The following PPARD variants were observed in gnomAD, a reference collection of about 807,000 sequenced individuals.
PPARD encodes the protein peroxisome proliferator activated receptor delta.
PPARD carries 6 observed loss-of-function variants against 39.5 expected under a neutral mutation model. The ratio of observed to expected loss-of-function variants is 0.15; its 90% CI spans 0.08 to 0.30. The LOEUF (loss-of-function observed/expected upper bound fraction) is 0.30. Ranked by LOEUF, PPARD falls within the 10% of genes least tolerant of loss-of-function variation. The pLI is 1.00. For synonymous variants in PPARD, 210 were observed against 231.3 expected (o/e 0.91, Z 0.83); for missense variants, 397 against 596.8 (o/e 0.67, Z 3.49).
intron 2 of PPARD, among the ~76,000 whole-genome samples, chr6:35,356,654 G>C (rs1180139948): frequency 1.3e-5 from 2 of 152,064 alleles, no homozygotes; most frequent in Non-Finnish European, 1.5e-5. Flanking sequence ...AGCATCCCTG[G>C]CTTCTACACA....
intron 2 of PPARD, among the ~76,000 whole-genome samples, chr6:35,354,937 A>T (rs935611248): frequency 1.3e-5 from 2 of 152,096 alleles, no homozygotes; most frequent in Non-Finnish European, 2.9e-5. Context: ...CCTTCTAACC[A>T]TGGGCTTGTG....
intron 2 of PPARD, among the ~76,000 whole-genome samples, chr6:35,350,038 G>A (rs1026433178): frequency 3.3e-5 from 5 of 152,096 alleles, no homozygotes; most frequent in Admixed American, 3.3e-4. Context: ...TACCACACCC[G>A]GCCTTGTATG....
rs551781896 is a variant in PPARD at position 35,402,728 on chromosome 6, G to A, written c.-101-8259G>A. On this transcript the variant is annotated intron_variant, in intron 2 of 7. Coordinates refer to ENST00000360694, the MANE Select transcript of PPARD (RefSeq NM_006238.5). ...CTAGAAGGCCACCCGGGCTTCTCCT[G>A]TGTCCTTAAGAGGGTGGGGTGACCT... is the stretch of plus-strand genomic sequence containing the variant. Among the ~76,000 whole-genome samples, 48 of 152,308 alleles carry A rather than the reference G, an allele frequency of 3.2e-4. No individual in the cohort carries two copies. In the South Asian group the frequency reaches 9.3e-3, roughly 30 times the overall value.
intron 2 of PPARD, among the ~76,000 whole-genome samples, chr6:35,382,316 C>T (rs1471657960): frequency 3.3e-5 from 5 of 152,300 alleles, no homozygotes; most frequent in Middle Eastern, 3.4e-3. Context: ...TGTCAGGAGG[C>T]ATGTTCTAAC....
chr6:35,343,838 T>A (rs1016449728), intron 1 of PPARD, among the ~76,000 whole-genome samples: 4 of 152,176 alleles, frequency 2.6e-5, no homozygotes. Flanking sequence ...AATACACTTA[T>A]ACCATGATAC....
intron 2 of PPARD, chr6:35,349,031 T>A (rs1237569781): frequency 1.0e-6 from 1 of 959,168 alleles, no homozygotes; most frequent in Admixed American, 6.2e-5. Context: ...CCTTTCTTTT[T>A]TTTTTTTTTT....
chr6:35,416,341 T>A, intron 3 of PPARD, among the ~76,000 whole-genome samples: 1 of 114,542 alleles, frequency 8.7e-6, no homozygotes, highest in African/African-American at 3.3e-5. Flanking sequence ...GCCATTGCAC[T>A]CCAGCCTGGG....
chr6:35,375,563 T>G (rs993124288), intron 2 of PPARD, among the ~76,000 whole-genome samples: 1 of 152,046 alleles, frequency 6.6e-6, no homozygotes, highest in Non-Finnish European at 1.5e-5. Context: ...GTTTTTTTCT[T>G]TTTTGAGACA....
intron 2 of PPARD, among the ~76,000 whole-genome samples, chr6:35,380,684 G>T (rs1763109842): frequency 6.6e-6 from 1 of 151,802 alleles, no homozygotes; most frequent in South Asian, 2.1e-4. Flanking sequence ...TAGAGATTGG[G>T]GGTCTTGTTA....
intron 2 of PPARD, among the ~76,000 whole-genome samples, chr6:35,360,754 T>C (rs1244906185): frequency 6.6e-6 from 1 of 152,128 alleles, no homozygotes; most frequent in East Asian, 1.9e-4. Context: ...TGGCATTATA[T>C]TTTTCTCTTT....
Position 35,416,033 on chromosome 6 carries a change from G to A in PPARD, c.131-4094G>A, listed in dbSNP as rs148843626. ...GATGAGGGCCACTCACATTATGGAG[G>A]GTAATCTGCTTTACTCAAAGTCTTC... On this transcript the variant is annotated intron_variant, in intron 3 of 7. Transcript: ENST00000360694. Among the ~76,000 whole-genome samples, 19 of 152,098 alleles carry A rather than the reference G, an allele frequency of 1.2e-4. No homozygotes were observed. The East Asian group carries it at 3.5e-3, about 28-fold the overall frequency.
At chr6:35,371,193 G>T (rs566411650) in intron 2 of PPARD, among the ~76,000 whole-genome samples, 2 of 152,282 alleles carry the variant, frequency 1.3e-5, no homozygotes, top group East Asian at 3.9e-4. Flanking sequence ...TTAGACTCGG[G>T]AATGATGCAG....
Position 35,363,750 on chromosome 6 carries a change from T to C in PPARD, c.-102+16600T>C, listed in dbSNP as rs1478282540. 3.3e-5 allele frequency among the ~76,000 whole-genome samples: 5 copies of C among 152,128 alleles called. No homozygotes were observed. Among genetic ancestry groups the C allele is most frequent in the Non-Finnish European group, 7.4e-5 (5 of 68,014 alleles). On this transcript the variant is annotated intron_variant, in intron 2 of 7. Coordinates refer to ENST00000360694, the MANE Select transcript of PPARD (RefSeq NM_006238.5). The surrounding 1 kb of genome is among the most constrained non-coding windows in gnomAD (Gnocchi z 4.5). ...GGCAGCCTTTTGGGGCTGGAGGGCA[T>C]GGACAGGGTGACTGATGCCTGAGCC...
At chr6:35,390,515 T>G (rs1374559013) in intron 2 of PPARD, among the ~76,000 whole-genome samples, 1 of 152,152 alleles carries the variant, frequency 6.6e-6, no homozygotes, top group African/African-American at 2.4e-5. Context: ...GTTATTAACT[T>G]TCAGGATTGA....
At chr6:35,343,832 C>T (rs1020956393) in intron 1 of PPARD, among the ~76,000 whole-genome samples, 3 of 152,152 alleles carry the variant, frequency 2.0e-5, no homozygotes, top group African/African-American at 7.2e-5. Flanking sequence ...GTGTGGAATA[C>T]ACTTATACCA....
At chr6:35,386,135 G>A (rs900058563) in intron 2 of PPARD, among the ~76,000 whole-genome samples, 1 of 152,108 alleles carries the variant, frequency 6.6e-6, no homozygotes, top group Admixed American at 6.5e-5. Context: ...AGATGGCGGG[G>A]CGAGAGGAGG....
chr6:35,409,282 A>T (rs1001170270), intron 2 of PPARD, among the ~76,000 whole-genome samples: 1 of 152,048 alleles, frequency 6.6e-6, no homozygotes, highest in African/African-American at 2.4e-5. Context: ...AGGTGGGCAG[A>T]TTGCTTGAGC....
intron 2 of PPARD, among the ~76,000 whole-genome samples, chr6:35,384,006 G>A (rs1763357520): frequency 1.4e-5 from 2 of 143,194 alleles, no homozygotes; most frequent in African/African-American, 2.9e-5. Flanking sequence ...TCAGCCCCAC[G>A]CCCCGCCAGC....
intron 2 of PPARD, among the ~76,000 whole-genome samples, chr6:35,407,529 G>A (rs1158166429): frequency 6.6e-6 from 1 of 151,976 alleles, no homozygotes; most frequent in African/African-American, 2.4e-5. Flanking sequence ...AGTGTTTCTG[G>A]TACTTGTTAT....
Sources: gnomAD v4.1 joint callset for allele counts (sites outside exome capture counted in the v4.1 genomes callset) on GRCh38, gnomAD v4.1.1 for gene constraint, Gnocchi (gnomAD v3.1) non-coding constraint, MANE v1.5 for transcripts, NCBI Gene and HGNC (gene_info 2026-07-23, HGNC 2026-07-21) for gene names.